PHACTR3: variants seen among roughly 807,000 people sequenced by gnomAD.
PHACTR3 encodes the protein protein phosphatase 1, regulatory subunit 123.
Under a neutral mutation model 66.8 loss-of-function variants are expected in PHACTR3, and 16 were observed. The observed-to-expected ratio is 0.24, with a 90% CI of 0.16 to 0.36. PHACTR3 has a LOEUF of 0.36. Ranked by LOEUF, PHACTR3 falls within the 10% of genes least tolerant of loss-of-function variation. The probability of loss-of-function intolerance (pLI) is 1.00; values close to 1 mark genes in which losing one functional copy is unlikely to be tolerated. For synonymous variants in PHACTR3, 323 were observed against 292.1 expected, an observed-to-expected ratio of 1.11 and a Z score of -1.08; for missense variants, 647 against 719.9, an observed-to-expected ratio of 0.90 and a Z score of 1.16.
chr20:59,779,794 T>C (rs914050875), intron 7 of PHACTR3, among the ~76,000 whole-genome samples: 1 of 152,226 alleles, frequency 6.6e-6, no homozygotes, highest in East Asian at 1.9e-4. Flanking sequence ...TGCACATGCG[T>C]GCCCACACAC....
intron 8 of PHACTR3, among the ~76,000 whole-genome samples, chr20:59,822,552 C>T (rs2042079644): frequency 1.3e-5 from 2 of 151,898 alleles, no homozygotes; most frequent in South Asian, 4.2e-4. Context: ...GCATCCCCTC[C>T]TGGGCTGGTG....
chr20:59,614,579 C>T (rs1461245966), intron 1 of PHACTR3, among the ~76,000 whole-genome samples: 5 of 152,162 alleles, frequency 3.3e-5, no homozygotes, highest in South Asian at 4.1e-4. Flanking sequence ...ACTGAGAAGA[C>T]GGGAGCTGTG....
At chr20:59,614,936 A>T (rs1240798769) in intron 1 of PHACTR3, among the ~76,000 whole-genome samples, 1 of 152,132 alleles carries the variant, frequency 6.6e-6, no homozygotes, top group East Asian at 1.9e-4. Flanking sequence ...TGACTTTGGC[A>T]CGTTTATTGG....
At chr20:59,745,347 T>A (rs2039327994) in intron 2 of PHACTR3, among the ~76,000 whole-genome samples, 1 of 152,108 alleles carries the variant, frequency 6.6e-6, no homozygotes, top group South Asian at 2.1e-4. Context: ...CTGAGGTTTG[T>A]CTTCTGAGGA....
At chr20:59,642,500 G>A (rs571896303) in intron 1 of PHACTR3, among the ~76,000 whole-genome samples, 3 of 146,906 alleles carry the variant, frequency 2.0e-5, no homozygotes, top group East Asian at 2.0e-4. Flanking sequence ...TTCCCGTGTC[G>A]GGATTGTTCA....
chr20:59,628,560 A>C, intron 1 of PHACTR3: 2 of 944,858 alleles, frequency 2.1e-6, no homozygotes, highest in Non-Finnish European at 2.5e-6. Context: ...GCTCCCAGGG[A>C]GAGAGGCGAG....
chr20:59,715,352 C>T (rs771779940), intron 1 of PHACTR3, among the ~76,000 whole-genome samples: 11 of 152,162 alleles, frequency 7.2e-5, no homozygotes, highest in Non-Finnish European at 1.6e-4. Context: ...GGAGTTTTAT[C>T]AAATGCTATC....
At chr20:59,622,292 C>T (rs939484529) in intron 1 of PHACTR3, among the ~76,000 whole-genome samples, 2 of 152,098 alleles carry the variant, frequency 1.3e-5, no homozygotes, top group Admixed American at 6.5e-5. Context: ...CAGCCTCAGC[C>T]GTACTGACTG....
intron 7 of PHACTR3, among the ~76,000 whole-genome samples, chr20:59,804,461 T>C (rs1242458347): frequency 1.3e-5 from 2 of 152,240 alleles, no homozygotes; most frequent in South Asian, 2.1e-4. Flanking sequence ...TCTCTGAAAA[T>C]GGCAGTTCCT....
chr20:59,775,010 A>G (rs1215719737), intron 7 of PHACTR3, among the ~76,000 whole-genome samples: 3 of 152,218 alleles, frequency 2.0e-5, no homozygotes, highest in Non-Finnish European at 4.4e-5. Flanking sequence ...GACAGGCAGC[A>G]TACGCTTGTT....
intron 1 of PHACTR3, among the ~76,000 whole-genome samples, chr20:59,679,632 AG>A (rs1473951007): frequency 6.6e-6 from 1 of 152,148 alleles, no homozygotes; most frequent in Non-Finnish European, 1.5e-5. Context: ...GACGTACCCA[AG>A]ACTGGGTAAT....
intron 1 of PHACTR3, among the ~76,000 whole-genome samples, chr20:59,671,593 G>T (rs1384081379): frequency 6.6e-6 from 1 of 152,220 alleles, no homozygotes; most frequent in Non-Finnish European, 1.5e-5. Flanking sequence ...CCAATATCTG[G>T]ATTTTCTTTC....
At chr20:59,653,001 G>C (rs1189383357) in intron 1 of PHACTR3, among the ~76,000 whole-genome samples, 2 of 152,092 alleles carry the variant, frequency 1.3e-5, no homozygotes, top group African/African-American at 4.8e-5. Flanking sequence ...AGTAACAGAG[G>C]GGAGGGCAGA....
intron 1 of PHACTR3, among the ~76,000 whole-genome samples, chr20:59,682,138 G>A (rs2036683047): frequency 6.6e-6 from 1 of 152,076 alleles, no homozygotes; most frequent in African/African-American, 2.4e-5. Context: ...CCAGGAGTTC[G>A]AGGCCAGCCT....
At chr20:59,671,280 C>T (rs1601057931) in intron 1 of PHACTR3, among the ~76,000 whole-genome samples, 1 of 152,170 alleles carries the variant, frequency 6.6e-6, no homozygotes, top group African/African-American at 2.4e-5. Context: ...GCTGGGGGTG[C>T]GGCTCCATGC....
chr20:59,703,612 CA>C (rs2037588315), intron 1 of PHACTR3, among the ~76,000 whole-genome samples: 3 of 152,060 alleles, frequency 2.0e-5, no homozygotes. Context: ...TAAATATTTT[CA>C]GATCAGTGAA....
chr20:59,636,561 T>C (rs898678583), intron 1 of PHACTR3, among the ~76,000 whole-genome samples: 1 of 152,134 alleles, frequency 6.6e-6, no homozygotes, highest in Non-Finnish European at 1.5e-5. Context: ...GAAGACCTGG[T>C]CTGGATCGGG....
intron 5 of PHACTR3, among the ~76,000 whole-genome samples, chr20:59,772,826 G>A (rs1413852713): frequency 1.3e-5 from 2 of 152,170 alleles, no homozygotes; most frequent in African/African-American, 2.4e-5. Flanking sequence ...TTACTGTTCT[G>A]GGGGCTGGAA....
chr20:59,712,996 G>A (rs963177231), intron 1 of PHACTR3, among the ~76,000 whole-genome samples: 4 of 152,166 alleles, frequency 2.6e-5, no homozygotes, highest in Non-Finnish European at 5.9e-5. Context: ...AAAACATTCC[G>A]TTGAGATATG....
Sources: gnomAD v4.1 joint callset for allele counts (sites outside exome capture counted in the v4.1 genomes callset) on GRCh38, gnomAD v4.1.1 for gene constraint, MANE v1.5 for transcripts, NCBI Gene and HGNC (gene_info 2026-07-23, HGNC 2026-07-21) for gene names.